The following NLRP2B variants were observed in gnomAD, a reference collection of about 807,000 sequenced individuals.
NLRP2B encodes the protein NLR family pyrin domain-containing protein 2B.
For synonymous variants in NLRP2B, 16 were observed against 3.5 expected, an observed-to-expected ratio of 4.63 and a Z score of -4.03; for missense variants, 25 against 6.8, an observed-to-expected ratio of 3.70 and a Z score of -3.00.
Position 57,679,757 on chromosome X carries a change from G to T in NLRP2B, c.*366C>A. On this transcript the variant is annotated 3_prime_UTR_variant, in exon 1 of 1. Coordinates refer to ENST00000434992, the MANE Select transcript of NLRP2B (RefSeq NM_001319967.1). ...TCTCCAGGCCAGGTTTTCCACATTT[G>T]CCAGAACTTCGTCTTCAATATACTC... 1 of 376,947 alleles carries T rather than the reference G, an allele frequency of 2.7e-6. No homozygotes were observed. The highest frequency in any genetic ancestry group is 4.7e-6 in the Non-Finnish European group (1 of 211,477). 31.1% of individuals were successfully genotyped at this position (376,947 alleles called of 1,213,427 possible).
At position 57,677,685 on chromosome X, in the gene NLRP2B, G is replaced by T. The variant is rs978768564; in HGVS notation, c.*2438C>A. ...CGCTGACAACCAAAACAGCAGCAAA[G>T]TTCTTGCAATTGCCTTCTATAAAGT... is the stretch of plus-strand genomic sequence containing the variant. On this transcript the variant is annotated 3_prime_UTR_variant, in exon 1 of 1. Coordinates refer to ENST00000434992, the MANE Select transcript of NLRP2B (RefSeq NM_001319967.1). 4.0e-5 allele frequency: 14 copies of T among 348,954 alleles called. No homozygotes were observed. The highest frequency in any genetic ancestry group is 7.2e-5 in the Non-Finnish European group (13 of 181,198). The allele number at this position is 348,954 out of a possible 1,213,427, so 28.8% of individuals were successfully genotyped here.
rs2011733093 is a variant in NLRP2B, at chrX:57,678,582, G to A, written c.*1541C>T. The stretch of plus-strand genomic sequence containing the variant: ...CCAACTCCTTGGCTTTCTTCTCGTT[G>A]GCGAAGCCGAATAAGAAGTGTCTTG... On this transcript the variant is annotated 3_prime_UTR_variant, in exon 1 of 1. Transcript: ENST00000434992. 1 of 485,530 alleles carries A rather than the reference G, an allele frequency of 2.1e-6. No individual in the cohort carries two copies. The highest frequency in any genetic ancestry group is 3.8e-6 in the Non-Finnish European group (1 of 264,112). The allele number at this position is 485,530 out of a possible 1,213,427, so 40.0% of individuals were successfully genotyped here.
rs762686678 is a variant in NLRP2B, at chrX:57,678,692, T to C, written c.*1431A>G. ...CCATTGTCCCAGGCGTGGCCGTCCTTGTCCTCCTCCTCCTCCTCCTCCTCC... is the reference window on the plus strand; with the variant it reads ...CCATTGTCCCAGGCGTGGCCGTCCTCGTCCTCCTCCTCCTCCTCCTCCTCC... On this transcript the variant is annotated 3_prime_UTR_variant, in exon 1 of 1. Transcript: ENST00000434992. 2.4e-6 allele frequency: 1 copy of C among 412,039 alleles called. No individual in the cohort carries two copies. The highest frequency in any genetic ancestry group is 4.5e-6 in the Non-Finnish European group (1 of 223,281). 34.0% of individuals were successfully genotyped at this position (412,039 alleles called of 1,213,427 possible). A position where few individuals can be genotyped will look rare whatever the true frequency, so the allele number is the denominator to read the frequency against.
chrX:57,677,437 C>T lies in NLRP2B; in HGVS notation c.*2686G>A. The T allele has an allele frequency of 5.8e-6, 2 of 345,217 alleles. No individual in the cohort carries two copies. The highest frequency in any genetic ancestry group is 1.1e-5 in the Non-Finnish European group (2 of 179,325). 28.4% of individuals were successfully genotyped at this position (345,217 alleles called of 1,213,427 possible). The stretch of plus-strand genomic sequence containing the variant: ...CAAAGCCTCACATAGGAGCTTCACT[C>T]CAGTAACTCCTATGTGATTCAGTCC... On this transcript the variant is annotated 3_prime_UTR_variant, in exon 1 of 1. Coordinates refer to ENST00000434992, the MANE Select transcript of NLRP2B (RefSeq NM_001319967.1).
Position 57,678,444 on chromosome X carries a change from C to A in NLRP2B, c.*1679G>T. On this transcript the variant is annotated 3_prime_UTR_variant, in exon 1 of 1. Transcript: ENST00000434992. ...CCTCCTGAGACTCGTACAGACAGCA[C>A]AAGAGCTCCTTCGGGTTCATCATTG... The A allele has an allele frequency of 1.9e-6, 1 of 520,790 alleles. No homozygotes were observed. Among genetic ancestry groups the A allele is most frequent in the Non-Finnish European group, 3.5e-6 (1 of 282,708 alleles). The allele number at this position is 520,790 out of a possible 1,213,427, so 42.9% of individuals were successfully genotyped here.
In NLRP2B at chrX:57,677,860, G is replaced by A; in HGVS notation, c.*2263C>T. ...GACTTCAAGGGCCAAGGAGAGATCA[G>A]CCCATTGCTAAGTGGTGGTGGAAAA... On this transcript the variant is annotated 3_prime_UTR_variant, in exon 1 of 1. Coordinates refer to ENST00000434992, the MANE Select transcript of NLRP2B (RefSeq NM_001319967.1). The A allele has an allele frequency of 2.3e-6, 1 of 428,417 alleles. No homozygotes were observed. The highest frequency in any genetic ancestry group is 4.4e-6 in the Non-Finnish European group (1 of 227,861). 35.3% of individuals were successfully genotyped at this position (428,417 alleles called of 1,213,427 possible).
In NLRP2B at chrX:57,680,098, G is replaced by A; in HGVS notation, c.*25C>T. On this transcript the variant is annotated 3_prime_UTR_variant, in exon 1 of 1. Coordinates refer to ENST00000434992, the MANE Select transcript of NLRP2B (RefSeq NM_001319967.1). The stretch of plus-strand genomic sequence containing the variant: ...CAATGGCTGGTGATGATTTCTGCCA[G>A]TTGCTTCCCATCAGCCTTGTCTACC... The A allele has an allele frequency of 2.2e-6, 1 of 450,319 alleles. No homozygotes were observed. 37.1% of individuals were successfully genotyped at this position (450,319 alleles called of 1,213,427 possible). A position where few individuals can be genotyped will look rare whatever the true frequency, so the allele number is the denominator to read the frequency against.
Position 57,678,922 on chromosome X carries a change from C to A in NLRP2B, c.*1201G>T. ...CCACAGGCCCTGTGCCGCCAGGAGG[C>A]TCAGCGCCCGCAGCACGCCCCAGAG... On this transcript the variant is annotated 3_prime_UTR_variant, in exon 1 of 1. Transcript: ENST00000434992. The A allele has an allele frequency of 2.4e-6, 1 of 418,449 alleles. No individual in the cohort carries two copies. Among genetic ancestry groups the A allele is most frequent in the Admixed American group, 3.6e-5 (1 of 27,588 alleles). 34.5% of individuals were successfully genotyped at this position (418,449 alleles called of 1,213,427 possible).
rs1020105007 is a variant in NLRP2B, at chrX:57,678,182, T to C, written c.*1941A>G. ...ATCAGATCCTTATTTGAGCCAAATA[T>C]GGAACAAAGGTCGGTCCAGAAAGGA... On this transcript the variant is annotated 3_prime_UTR_variant, in exon 1 of 1. Coordinates refer to ENST00000434992, the MANE Select transcript of NLRP2B (RefSeq NM_001319967.1). The C allele has an allele frequency of 2.1e-5, 11 of 512,111 alleles. No homozygotes were observed. The highest frequency in any genetic ancestry group is 3.9e-5 in the Non-Finnish European group (11 of 282,868). The allele number at this position is 512,111 out of a possible 1,213,427, so 42.2% of individuals were successfully genotyped here.
rs2011734704 is a variant in NLRP2B at position 57,678,666 on chromosome X, T to C, written c.*1457A>G. The C allele has an allele frequency of 7.1e-6, 3 of 420,950 alleles. No individual in the cohort carries two copies. The highest frequency in any genetic ancestry group is 1.3e-5 in the Non-Finnish European group (3 of 228,980). 34.7% of individuals were successfully genotyped at this position (420,950 alleles called of 1,213,427 possible). A position where few individuals can be genotyped will look rare whatever the true frequency, so the allele number is the denominator to read the frequency against. ...CTCTAGAAAACAGCTTCTGCACGTCTCCATTGTCCCAGGCGTGGCCGTCCT... is the reference window on the plus strand; with the variant it reads ...CTCTAGAAAACAGCTTCTGCACGTCCCCATTGTCCCAGGCGTGGCCGTCCT... On this transcript the variant is annotated 3_prime_UTR_variant, in exon 1 of 1. Coordinates refer to ENST00000434992, the MANE Select transcript of NLRP2B (RefSeq NM_001319967.1).
rs2011741849 is a variant in NLRP2B at position 57,679,065 on chromosome X, A to G, written c.*1058T>C. On this transcript the variant is annotated 3_prime_UTR_variant, in exon 1 of 1. Transcript: ENST00000434992. Reference sequence around the variant, plus strand: ...CAGACTCATGCACATGATCCAGCACACCATGGGTGCCGAGACAGGCTGGAA... The same window carrying G: ...CAGACTCATGCACATGATCCAGCACGCCATGGGTGCCGAGACAGGCTGGAA... 2.3e-6 allele frequency: 1 copy of G among 425,841 alleles called. No homozygotes were observed. The allele number at this position is 425,841 out of a possible 1,213,427, so 35.1% of individuals were successfully genotyped here.
Position 57,677,785 on chromosome X carries a change from T to A in NLRP2B, c.*2338A>T. 1 of 439,751 alleles carries A rather than the reference T, an allele frequency of 2.3e-6. No homozygotes were observed. Among genetic ancestry groups the A allele is most frequent in the Non-Finnish European group, 4.4e-6 (1 of 229,655 alleles). 36.2% of individuals were successfully genotyped at this position (439,751 alleles called of 1,213,427 possible). The stretch of plus-strand genomic sequence containing the variant: ...AGTTGTGTACAGCAACTTGGCACCC[T>A]CATCCAAGAGCTCATTGTGAGAGAG... On this transcript the variant is annotated 3_prime_UTR_variant, in exon 1 of 1. Transcript: ENST00000434992.
rs752068290 is a variant in NLRP2B at position 57,677,374 on chromosome X, C to T, written c.*2749G>A. ...ACTGAACAGAGGGATGGAACACCCC[C>T]ACAACCACAGACATCTCAAGTTACA... On this transcript the variant is annotated 3_prime_UTR_variant, in exon 1 of 1. Coordinates refer to ENST00000434992, the MANE Select transcript of NLRP2B (RefSeq NM_001319967.1). The T allele has an allele frequency of 7.2e-5, 26 of 358,869 alleles. No homozygotes were observed. In the East Asian group the frequency reaches 1.8e-3, roughly 24 times the overall value. The allele number at this position is 358,869 out of a possible 1,213,427, so 29.6% of individuals were successfully genotyped here. A position where few individuals can be genotyped will look rare whatever the true frequency, so the allele number is the denominator to read the frequency against.
chrX:57,678,116 C>A lies in NLRP2B; in HGVS notation c.*2007G>T. On this transcript the variant is annotated 3_prime_UTR_variant, in exon 1 of 1. Coordinates refer to ENST00000434992, the MANE Select transcript of NLRP2B (RefSeq NM_001319967.1). ...GCTATTTGTTCACACAGGATCCTTA[C>A]TAATGTGGCACCAAGAAAGCTATTA... 2.1e-6 allele frequency: 1 copy of A among 472,745 alleles called. No homozygotes were observed. The allele number at this position is 472,745 out of a possible 1,213,427, so 39.0% of individuals were successfully genotyped here. A position where few individuals can be genotyped will look rare whatever the true frequency, so the allele number is the denominator to read the frequency against.
Position 57,679,409 on chromosome X carries a change from C to G in NLRP2B, c.*714G>C. 1.1e-6 allele frequency: 1 copy of G among 915,129 alleles called. No individual in the cohort carries two copies. The highest frequency in any genetic ancestry group is 3.2e-5 in the East Asian group (1 of 31,601). 75.4% of individuals were successfully genotyped at this position (915,129 alleles called of 1,213,427 possible). A position where few individuals can be genotyped will look rare whatever the true frequency, so the allele number is the denominator to read the frequency against. ...CCCAGCTCATCAAAGCCGTCGACCACGAACAGGATTTTCTGTGCTTGGGCT... is the reference window on the plus strand; with the variant it reads ...CCCAGCTCATCAAAGCCGTCGACCAGGAACAGGATTTTCTGTGCTTGGGCT... On this transcript the variant is annotated 3_prime_UTR_variant, in exon 1 of 1. Coordinates refer to ENST00000434992, the MANE Select transcript of NLRP2B (RefSeq NM_001319967.1).
In NLRP2B at chrX:57,679,919, TA is replaced by T; in HGVS notation, c.*203del. On this transcript the variant is annotated 3_prime_UTR_variant, in exon 1 of 1. Transcript: ENST00000434992. ...CGCCCCAGCATTTGTTTCAGGTCTATAGGTTTTGGCTCTTCTTTCCCTGTTT... is the reference window on the plus strand; with the variant it reads ...CGCCCCAGCATTTGTTTCAGGTCTATGGTTTTGGCTCTTCTTTCCCTGTTT... 3.3e-6 allele frequency: 1 copy of T among 301,428 alleles called. No individual in the cohort carries two copies. The highest frequency in any genetic ancestry group is 5.7e-6 in the Non-Finnish European group (1 of 174,519). The allele number at this position is 301,428 out of a possible 1,213,427, so 24.8% of individuals were successfully genotyped here.
At position 57,678,127 on chromosome X, in the gene NLRP2B, C is replaced by A. The variant is rs905539661; in HGVS notation, c.*1996G>T. On this transcript the variant is annotated 3_prime_UTR_variant, in exon 1 of 1. Transcript: ENST00000434992. ...ACACAGGATCCTTACTAATGTGGCA[C>A]CAAGAAAGCTATTATTGATTTCTAG... 2 of 472,558 alleles carry A rather than the reference C, an allele frequency of 4.2e-6. No individual in the cohort carries two copies. The highest frequency in any genetic ancestry group is 4.8e-5 in the African/African-American group (2 of 41,847). 38.9% of individuals were successfully genotyped at this position (472,558 alleles called of 1,213,427 possible).
In NLRP2B at chrX:57,678,629, T is replaced by C; in HGVS notation, c.*1494A>G. The C allele has an allele frequency of 2.2e-6, 1 of 446,491 alleles. No homozygotes were observed. Among genetic ancestry groups the C allele is most frequent in the Non-Finnish European group, 4.1e-6 (1 of 242,986 alleles). 36.8% of individuals were successfully genotyped at this position (446,491 alleles called of 1,213,427 possible). On this transcript the variant is annotated 3_prime_UTR_variant, in exon 1 of 1. Coordinates refer to ENST00000434992, the MANE Select transcript of NLRP2B (RefSeq NM_001319967.1). ...CTTGCTTGGATCAGGTCGGGGTTCT[T>C]GAGTCTTTCTTCTCTAGAAAACAGC...
chrX:57,678,136 C>A lies in NLRP2B; in HGVS notation c.*1987G>T. ...CCTTACTAATGTGGCACCAAGAAAGCTATTATTGATTTCTAGAATGATCAG... is the reference window on the plus strand; with the variant it reads ...CCTTACTAATGTGGCACCAAGAAAGATATTATTGATTTCTAGAATGATCAG... On this transcript the variant is annotated 3_prime_UTR_variant, in exon 1 of 1. Coordinates refer to ENST00000434992, the MANE Select transcript of NLRP2B (RefSeq NM_001319967.1). The A allele has an allele frequency of 4.2e-6, 2 of 479,114 alleles. No homozygotes were observed. Among genetic ancestry groups the A allele is most frequent in the South Asian group, 2.9e-5 (1 of 35,045 alleles). The allele number at this position is 479,114 out of a possible 1,213,427, so 39.5% of individuals were successfully genotyped here.
Sources: gnomAD v4.1 joint callset for allele counts on GRCh38, gnomAD v4.1.1 for gene constraint, MANE v1.5 for transcripts, NCBI Gene and HGNC (gene_info 2026-07-23, HGNC 2026-07-21) for gene names.